Variants in NDUFB6 observed in about 807,000 individuals in gnomAD.
NDUFB6 encodes NADH:ubiquinone oxidoreductase subunit B6, also known as NADH dehydrogenase [ubiquinone] 1 beta subcomplex subunit 6.
In NDUFB6, 23 loss-of-function variants were observed where a neutral mutation model predicts 17.5. That is an observed-to-expected ratio of 1.31 (90% confidence interval 0.94 to 1.86). The LOEUF is 1.86. NDUFB6 is among the 40% of genes most tolerant of loss of function. The probability of loss-of-function intolerance (pLI) is 0.00; values close to 1 mark genes in which losing one functional copy is unlikely to be tolerated. For missense variants in NDUFB6, 167 were observed against 153.8 expected, an observed-to-expected ratio of 1.09 and a Z score of -0.46; for synonymous variants, 60 against 53.5, an observed-to-expected ratio of 1.12 and a Z score of -0.53.
chr9:32,554,220 CTT>C (rs1821390030), intron 3 of NDUFB6, among the ~76,000 whole-genome samples: 1 of 152,160 alleles, frequency 6.6e-6, no homozygotes, highest in Admixed American at 6.5e-5. Context: ...AAGGGATAAT[CTT>C]TTATTTTGTA....
Position 32,573,083 on chromosome 9 carries a change from A to G in NDUFB6, c.-23T>C, listed in dbSNP as rs768048014. 4 of 1,525,922 alleles carry G rather than the reference A, an allele frequency of 2.6e-6. No individual in the cohort carries two copies. Among genetic ancestry groups the G allele is most frequent in the Admixed American group, 2.0e-5 (1 of 49,734 alleles). The allele number at this position is 1,525,922 out of a possible 1,614,324, so 94.5% of individuals were successfully genotyped here. On this transcript the variant is annotated 5_prime_UTR_variant, in exon 1 of 4. Coordinates refer to ENST00000379847, the MANE Select transcript of NDUFB6 (RefSeq NM_002493.5). ...CATGTCGCCGCTGGTACCAACGCAA[A>G]AGGACACGGCGCACCCTCGAACTAC...
At chr9:32,558,859 G>T in intron 3 of NDUFB6, 51 bp downstream of exon 3, 1 of 1,278,176 alleles carries the variant, frequency 7.8e-7, no homozygotes, top group Non-Finnish European at 1.1e-6. Flanking sequence ...GGGAGGAAAA[G>T]GAAAGAGAAA....
Position 32,558,934 on chromosome 9 carries a change from A to T in NDUFB6, c.294T>A (p.Val98=), listed in dbSNP as rs534020646. Residue 98 remains valine, a synonymous_variant, in exon 3 of 4, where the codon GTT becomes GTA. Coordinates refer to ENST00000379847, the MANE Select transcript of NDUFB6 (RefSeq NM_002493.5). ...YHVSEKPYGI[V]EKKSRIFPGD... ...CAGGGAATATTCTGGACTTCTTTTCAACTATGCCATATGGTTTTTCCTGTA... is the reference window on the plus strand; with the variant it reads ...CAGGGAATATTCTGGACTTCTTTTCTACTATGCCATATGGTTTTTCCTGTA... 8.8e-6 allele frequency: 14 copies of T among 1,585,128 alleles called. No homozygotes were observed. In the African/African-American group the frequency reaches 1.3e-4, roughly 15 times the overall value.
rs533971377 is a variant in NDUFB6, at chr9:32,566,437, T to C, written c.273+4523A>G. On this transcript the variant is annotated intron_variant, in intron 2 of 3. Coordinates refer to ENST00000379847, the MANE Select transcript of NDUFB6 (RefSeq NM_002493.5). ...CCTGCTCTCCCTGTTACTGTAGGGG[T>C]TGATGGAGTATCTTGACAAGCAGCC... 47 of 829,882 alleles carry C rather than the reference T, an allele frequency of 5.7e-5. No homozygotes were observed. The East Asian group carries it at 1.1e-3, about 20-fold the overall frequency. The allele number at this position is 829,882 out of a possible 1,614,324, so 51.4% of individuals were successfully genotyped here.
chr9:32,566,733 T>G (rs1821802562), intron 2 of NDUFB6: 1 of 920,960 alleles, frequency 1.1e-6, no homozygotes, highest in Non-Finnish European at 1.8e-6. Context: ...CTCCAAGCCT[T>G]CAAACCACAG....
At chr9:32,556,338 C>T (rs890442645) in intron 3 of NDUFB6, among the ~76,000 whole-genome samples, 1 of 152,182 alleles carries the variant, frequency 6.6e-6, no homozygotes, top group East Asian at 1.9e-4. Context: ...AGCTTAGATC[C>T]TAAAAATCAT....
chr9:32,569,883 C>G lies in NDUFB6; in HGVS notation c.273+1077G>C, dbSNP rs1430629557. Among the ~76,000 whole-genome samples, 4 of 152,144 alleles carry G rather than the reference C, an allele frequency of 2.6e-5. No homozygotes were observed. In the East Asian group the frequency reaches 7.7e-4, roughly 29 times the overall value. ...TTTACACTGCTATTACACACTTATA[C>G]CACAGCACAGTGTAAACATAACTTT... On this transcript the variant is annotated intron_variant, in intron 2 of 3. Coordinates refer to ENST00000379847, the MANE Select transcript of NDUFB6 (RefSeq NM_002493.5).
intron 1 of NDUFB6, among the ~76,000 whole-genome samples, chr9:32,571,715 AAAGT>A (rs758527530): frequency 1.6e-4 from 24 of 152,166 alleles, no homozygotes; most frequent in Non-Finnish European, 2.9e-4. Context: ...AGAATAAATT[AAAGT>A]AAGGTAAGGT....
At chr9:32,566,077 A>C in intron 2 of NDUFB6, 1 of 444,074 alleles carries the variant, frequency 2.3e-6, no homozygotes, top group Non-Finnish European at 4.1e-6. Flanking sequence ...GACCAAAAAA[A>C]AAAAAAGGCA....
chr9:32,568,015 A>G (rs1821848038), intron 2 of NDUFB6: 1 of 167,158 alleles, frequency 6.0e-6, no homozygotes, highest in African/African-American at 2.4e-5. Flanking sequence ...GCACCACCGC[A>G]CTCCAGCCTG....
At chr9:32,566,854 G>C in intron 2 of NDUFB6, 1 of 780,398 alleles carries the variant, frequency 1.3e-6, no homozygotes, top group Non-Finnish European at 2.1e-6. Flanking sequence ...TAGCTGCCGG[G>C]CGGCCTGGAT....
intron 1 of NDUFB6, 70 bp from the exon 2 acceptor site, chr9:32,571,122 T>A: frequency 9.7e-7 from 1 of 1,031,304 alleles, no homozygotes; most frequent in East Asian, 2.5e-5. Flanking sequence ...ACAAAAGGCA[T>A]CAATGATGTA....
intron 2 of NDUFB6, among the ~76,000 whole-genome samples, chr9:32,561,640 C>T (rs182594902): frequency 4.2e-4 from 64 of 152,242 alleles, no homozygotes; most frequent in Admixed American, 4.0e-3. Context: ...AAAATATTCA[C>T]TTCTATCCCA....
At chr9:32,571,955 C>A (rs1171979579) in intron 1 of NDUFB6, among the ~76,000 whole-genome samples, 1 of 152,210 alleles carries the variant, frequency 6.6e-6, no homozygotes, top group Non-Finnish European at 1.5e-5. Flanking sequence ...GAATCAGATA[C>A]ATGTTGATTA....
chr9:32,553,594 G>T lies in NDUFB6; in HGVS notation c.*282C>A. The T allele has an allele frequency of 2.7e-6, 1 of 369,612 alleles. No homozygotes were observed. Among genetic ancestry groups the T allele is most frequent in the South Asian group, 2.8e-5 (1 of 35,556 alleles). 22.9% of individuals were successfully genotyped at this position (369,612 alleles called of 1,614,324 possible). A position where few individuals can be genotyped will look rare whatever the true frequency, so the allele number is the denominator to read the frequency against. ...CTGATACCAAATTAGTGTAAGTACT[G>T]TGTAAGAAAAAAACAAACAAACATG... On this transcript the variant is annotated 3_prime_UTR_variant, in exon 4 of 4. Coordinates refer to ENST00000379847, the MANE Select transcript of NDUFB6 (RefSeq NM_002493.5).
intron 3 of NDUFB6, among the ~76,000 whole-genome samples, chr9:32,556,060 T>C (rs760807553): frequency 6.7e-6 from 1 of 149,434 alleles, no homozygotes; most frequent in Non-Finnish European, 1.5e-5. Flanking sequence ...CATACTATTT[T>C]ACATCATCTG....
chr9:32,557,448 C>T (rs1272617258), intron 3 of NDUFB6, among the ~76,000 whole-genome samples: 3 of 151,234 alleles, frequency 2.0e-5, no homozygotes, highest in East Asian at 2.0e-4. Context: ...TAATTACAGG[C>T]ATGAGCCCCC....
chr9:32,568,498 G>T lies in NDUFB6; in HGVS notation c.273+2462C>A, dbSNP rs763722693. 9.0e-5 allele frequency: 18 copies of T among 200,822 alleles called. No homozygotes were observed. In the South Asian group the frequency reaches 2.0e-3, roughly 22 times the overall value. 12.4% of individuals were successfully genotyped at this position (200,822 alleles called of 1,614,324 possible). A position where few individuals can be genotyped will look rare whatever the true frequency, so the allele number is the denominator to read the frequency against. The stretch of plus-strand genomic sequence containing the variant: ...ACATAATCTTAGTTGATAAAGCAGC[G>T]GCATGGTTTGAAAGGCCTGACTCCA... On this transcript the variant is annotated intron_variant, in intron 2 of 3. Transcript: ENST00000379847.
At chr9:32,562,668 G>A (rs1821658679) in intron 2 of NDUFB6, among the ~76,000 whole-genome samples, 1 of 152,078 alleles carries the variant, frequency 6.6e-6, no homozygotes, top group African/African-American at 2.4e-5. Context: ...CTTCCTACAA[G>A]CAAAGACAAT....
Sources: allele counts gnomAD v4.1 joint callset (sites outside exome capture counted in the v4.1 genomes callset), GRCh38; gene constraint gnomAD v4.1.1; transcripts MANE v1.5; gene names NCBI Gene and HGNC (gene_info 2026-07-23, HGNC 2026-07-21).